Variants in SKAP1 observed in about 807,000 individuals in gnomAD.
The protein encoded by SKAP1 is src kinase associated phosphoprotein 1.
In SKAP1, 44 loss-of-function variants were observed where a neutral mutation model predicts 58.5. The observed-to-expected ratio is 0.75, with a 90% CI of 0.59 to 0.97. The LOEUF (loss-of-function observed/expected upper bound fraction) is 0.97. Among genes scored for constraint, SKAP1 ranks in the 50% least tolerant of loss-of-function variants. The pLI, the probability that SKAP1 is intolerant of heterozygous loss-of-function variation, is 0.00. For synonymous variants in SKAP1, 127 were observed against 149.7 expected, an observed-to-expected ratio of 0.85 and a Z score of 1.11; for missense variants, 390 against 435.2, an observed-to-expected ratio of 0.90 and a Z score of 0.92.
intron 4 of SKAP1, among the ~76,000 whole-genome samples, chr17:48,266,806 G>A (rs576461821): frequency 5.6e-4 from 85 of 151,942 alleles, no homozygotes; most frequent in African/African-American, 1.9e-3. Flanking sequence ...CACCGTGCCC[G>A]GCCCTGTTTT....
At chr17:48,319,665 A>G (rs931619036) in intron 4 of SKAP1, among the ~76,000 whole-genome samples, 1 of 152,180 alleles carries the variant, frequency 6.6e-6, no homozygotes, top group East Asian at 1.9e-4. Flanking sequence ...AACATGGTGA[A>G]ACCCCATTTC....
chr17:48,348,887 G>A (rs2066758759), intron 3 of SKAP1, among the ~76,000 whole-genome samples: 1 of 152,156 alleles, frequency 6.6e-6, no homozygotes, highest in African/African-American at 2.4e-5. Context: ...AGTACACAAC[G>A]ACATAGATAT....
At chr17:48,300,496 G>A (rs1222599388) in intron 4 of SKAP1, among the ~76,000 whole-genome samples, 1 of 152,162 alleles carries the variant, frequency 6.6e-6, no homozygotes, top group Non-Finnish European at 1.5e-5. Flanking sequence ...GGGTCCTGGT[G>A]TCAAAGGGAT....
intron 4 of SKAP1, among the ~76,000 whole-genome samples, chr17:48,314,337 A>C (rs1430667395): frequency 1.3e-5 from 2 of 152,210 alleles, no homozygotes; most frequent in East Asian, 3.8e-4. Flanking sequence ...TTGGAAAGAA[A>C]ACACCGATAA....
intron 4 of SKAP1, among the ~76,000 whole-genome samples, chr17:48,247,637 A>G (rs926016430): frequency 2.0e-5 from 3 of 152,236 alleles, no homozygotes; most frequent in African/African-American, 4.8e-5. Context: ...TAGTAACAAT[A>G]CATACACCAC....
At chr17:48,393,306 C>T (rs2067373674) in intron 2 of SKAP1, among the ~76,000 whole-genome samples, 1 of 152,042 alleles carries the variant, frequency 6.6e-6, no homozygotes, top group Non-Finnish European at 1.5e-5. Flanking sequence ...GTAACACTTT[C>T]AAACAAAAAG....
chr17:48,313,884 G>A (rs1040337713), intron 4 of SKAP1, among the ~76,000 whole-genome samples: 1 of 152,048 alleles, frequency 6.6e-6, no homozygotes, highest in Non-Finnish European at 1.5e-5. Flanking sequence ...GGGCATGTCC[G>A]CTAAGTTTGG....
intron 4 of SKAP1, among the ~76,000 whole-genome samples, chr17:48,211,279 T>TA (rs202238119): frequency 1.3e-5 from 2 of 152,008 alleles, no homozygotes; most frequent in African/African-American, 4.8e-5. Context: ...CCACCTCTAT[T>TA]AAAAAAAATT....
rs1224170477 is a variant in SKAP1 at position 48,199,885 on chromosome 17, T to TG, written c.281-10386dup. Among the ~76,000 whole-genome samples the TG allele has an allele frequency of 4.6e-5, 7 of 152,124 alleles. No individual in the cohort carries two copies. In the South Asian group the frequency reaches 1.0e-3, roughly 23 times the overall value. ...GAACGTTATAGTACCTGGATTAAAA[T>TG]GGGGAAACGAAGTTGCATATTAGAT... is the stretch of plus-strand genomic sequence containing the variant. On this transcript the variant is annotated intron_variant, in intron 4 of 12. Transcript: ENST00000336915.
chr17:48,192,258 C>G (rs1328578674), intron 4 of SKAP1, among the ~76,000 whole-genome samples: 1 of 151,748 alleles, frequency 6.6e-6, no homozygotes, highest in African/African-American at 2.4e-5. Flanking sequence ...ATCCCATAAG[C>G]TGGGAGTTTC....
In SKAP1 at chr17:48,404,528, A is replaced by T. The variant is rs144745187; in HGVS notation, c.47-7743T>A. Among the ~76,000 whole-genome samples, 75 of 152,318 alleles carry T rather than the reference A, an allele frequency of 4.9e-4. 1 individual carries two copies. Among genetic ancestry groups the T allele is most frequent in the Admixed American group, 1.3e-3 (20 of 15,298 alleles). ...AAATAGTCTAATTCCTAGTTAGAAA[A>T]TGAATAGAGAGGAAAATATATACTA... On this transcript the variant is annotated intron_variant, in intron 1 of 12. Transcript: ENST00000336915.
In SKAP1 at chr17:48,346,006, C is replaced by G. The variant is rs751645756; in HGVS notation, c.179G>C (p.Gly60Ala). The G allele has an allele frequency of 3.8e-6, 6 of 1,582,690 alleles. No individual in the cohort carries two copies. The highest frequency in any genetic ancestry group is 1.8e-5 in the Admixed American group (1 of 55,186). ...AGAGCTGTCCTGTCCAATGTCTCCCCCTGAGGGACAAAAAAGACAGAAAAT... is the reference window on the plus strand; with the variant it reads ...AGAGCTGTCCTGTCCAATGTCTCCCGCTGAGGGACAAAAAAGACAGAAAAT... ...ARYYWDFQPQ[G>A]GDIGQDSSDD... is the part of the protein sequence containing the mutation. Residue 60 changes from glycine to alanine, a missense_variant and splice_region_variant, in exon 4 of 13, where the codon GGG becomes GCG. By Grantham distance (60) the Gly-to-Ala change is moderately conservative (BLOSUM62 0). Transcript: ENST00000336915.
Position 48,182,441 on chromosome 17 carries a change from G to A in SKAP1, c.584C>T (p.Pro195Leu), listed in dbSNP as rs1466969226. 1 of 1,608,610 alleles carries A rather than the reference G, an allele frequency of 6.2e-7. No homozygotes were observed. Among genetic ancestry groups the A allele is most frequent in the Admixed American group, 1.7e-5 (1 of 59,348 alleles). The change falls in exon 8 of 13, where the codon CCA becomes CTA. Residue 195 changes from proline (P) to leucine (L), a missense_variant. By Grantham distance (98) the Pro-to-Leu change is moderately conservative. Transcript: ENST00000336915. The stretch of plus-strand genomic sequence containing the variant: ...ATCCACCCAGTCTCTGGCTTCTGCT[G>A]GACTAGTAGCTGTAAACTAGAGAAA... Reference protein sequence around the residue: ...RRSYEFTATSPAEARDWVDQI... With the variant: ...RRSYEFTATSLAEARDWVDQI...
chr17:48,175,704 A>C (rs1023763109), intron 9 of SKAP1, among the ~76,000 whole-genome samples: 2 of 152,248 alleles, frequency 1.3e-5, no homozygotes, highest in Non-Finnish European at 2.9e-5. Context: ...GTGAGGGCTA[A>C]AACAAAGCTT....
rs755390130 is a variant in SKAP1, at chr17:48,138,209, C to CT, written c.979-873dup. ...GATGTTGAAGAGTATGGGGCTATTT[C>CT]TTTTTTTTTTTTTGAGACGGAGTCT... On this transcript the variant is annotated intron_variant, in intron 11 of 12. Coordinates refer to ENST00000336915, the MANE Select transcript of SKAP1 (RefSeq NM_003726.4). 7.0e-3 allele frequency among the ~76,000 whole-genome samples: 1,009 copies of CT among 144,340 alleles called. 7 individuals carry two copies. Among genetic ancestry groups the CT allele is most frequent in the African/African-American group, 0.02 (777 of 39,718 alleles). The allele number at this position is 144,340 out of a possible 152,430, so 94.7% of individuals were successfully genotyped here. A position where few individuals can be genotyped will look rare whatever the true frequency, so the allele number is the denominator to read the frequency against.
At chr17:48,308,795 A>G (rs575206008) in intron 4 of SKAP1, 1 of 152,294 alleles carries the variant, frequency 6.6e-6, no homozygotes, top group South Asian at 2.1e-4. Flanking sequence ...ACTATGCCTC[A>G]TGGGATTTTT....
chr17:48,410,983 A>AGAGCTCCC (rs1352792258), intron 1 of SKAP1, among the ~76,000 whole-genome samples: 3 of 151,956 alleles, frequency 2.0e-5, no homozygotes, highest in African/African-American at 7.2e-5. Context: ...ACCAACTGAA[A>AGAGCTCCC]GAGCTCCCAG....
At chr17:48,264,781 C>T (rs1026415759) in intron 4 of SKAP1, among the ~76,000 whole-genome samples, 2 of 151,370 alleles carry the variant, frequency 1.3e-5, no homozygotes, top group Admixed American at 6.6e-5. Flanking sequence ...CACACACACA[C>T]ACCCTCCATC....
At chr17:48,340,672 A>G (rs1389542810) in intron 4 of SKAP1, among the ~76,000 whole-genome samples, 1 of 152,144 alleles carries the variant, frequency 6.6e-6, no homozygotes, top group Non-Finnish European at 1.5e-5. Context: ...AAAATTCTTG[A>G]AACTACAACA....
Sources: gnomAD v4.1 joint callset for allele counts (sites outside exome capture counted in the v4.1 genomes callset) on GRCh38, gnomAD v4.1.1 for gene constraint, MANE v1.5 for transcripts, NCBI Gene and HGNC (gene_info 2026-07-23, HGNC 2026-07-21) for gene names.